Variants in KHDRBS2 observed in about 807,000 individuals in gnomAD.
The protein encoded by KHDRBS2 is KH domain-containing, RNA-binding, signal transduction-associated protein 2.
KHDRBS2 carries 26 observed loss-of-function variants against 44.3 expected under a neutral mutation model. That is an observed-to-expected ratio of 0.59 (90% CI 0.43 to 0.81). KHDRBS2 has a LOEUF of 0.81. Among genes scored for constraint, KHDRBS2 ranks in the 40% least tolerant of loss-of-function variants. The pLI is 0.00. For synonymous variants in KHDRBS2, 194 were observed against 151.1 expected, an observed-to-expected ratio of 1.28 and a Z score of -2.08; for missense variants, 476 against 433.1, an observed-to-expected ratio of 1.10 and a Z score of -0.88.
chr6:61,732,392 T>A (rs1372212808), intron 7 of KHDRBS2, among the ~76,000 whole-genome samples: 1 of 152,064 alleles, frequency 6.6e-6, no homozygotes, highest in Non-Finnish European at 1.5e-5. Flanking sequence ...TATTGTCTTT[T>A]AAAAAAATCT....
rs1431577958 is a variant in KHDRBS2 at position 62,089,286 on chromosome 6, AG to A, written c.220-41293del. Among the ~76,000 whole-genome samples, 4 of 150,342 alleles carry A rather than the reference AG, an allele frequency of 2.7e-5. 1 individual carries two copies. The highest frequency in any genetic ancestry group is 4.4e-5 in the Non-Finnish European group (3 of 67,590). On this transcript the variant is annotated intron_variant, in intron 2 of 8. Transcript: ENST00000281156. Reference sequence around the variant, plus strand: ...TGGGTTACAAAAAAAAAAAAAAAAAAGACTCCTGCAGCTAGCTCTGTGTCTG... The same window carrying A: ...TGGGTTACAAAAAAAAAAAAAAAAAAACTCCTGCAGCTAGCTCTGTGTCTG...
At chr6:62,243,245 GA>G (rs1834988213) in intron 1 of KHDRBS2, among the ~76,000 whole-genome samples, 1 of 151,954 alleles carries the variant, frequency 6.6e-6, no homozygotes, top group South Asian at 2.1e-4. Context: ...TATTTGTTGT[GA>G]AAATGTTAAT....
intron 2 of KHDRBS2, among the ~76,000 whole-genome samples, chr6:62,153,988 G>C (rs1383945652): frequency 1.3e-5 from 2 of 152,184 alleles, no homozygotes; most frequent in African/African-American, 4.8e-5. Flanking sequence ...TAGAGTCCTG[G>C]GTGTTTGGTT....
chr6:62,244,471 C>A (rs1175562326), intron 1 of KHDRBS2, among the ~76,000 whole-genome samples: 1 of 151,938 alleles, frequency 6.6e-6, no homozygotes, highest in East Asian at 1.9e-4. Context: ...TAACAAGTGT[C>A]AACATTATGA....
At chr6:61,884,457 T>TA (rs756439805) in intron 6 of KHDRBS2, among the ~76,000 whole-genome samples, 6 of 152,120 alleles carry the variant, frequency 3.9e-5, no homozygotes, top group Non-Finnish European at 8.8e-5. Flanking sequence ...AATTTAAAAA[T>TA]AAATTAAACG....
chr6:62,061,650 T>A (rs987522362), intron 2 of KHDRBS2, among the ~76,000 whole-genome samples: 2 of 151,234 alleles, frequency 1.3e-5, no homozygotes, highest in African/African-American at 4.9e-5. Context: ...CAATTATGTG[T>A]CTTGGAGTTG....
intron 4 of KHDRBS2, among the ~76,000 whole-genome samples, chr6:61,937,524 C>A (rs1284377294): frequency 1.3e-5 from 2 of 151,866 alleles, no homozygotes; most frequent in Non-Finnish European, 2.9e-5. Context: ...GTTTATTGAA[C>A]TTCTTGGGGG....
At chr6:62,146,633 G>T (rs1038716383) in intron 2 of KHDRBS2, among the ~76,000 whole-genome samples, 2 of 151,712 alleles carry the variant, frequency 1.3e-5, no homozygotes, top group African/African-American at 4.8e-5. Flanking sequence ...TATCCACAGG[G>T]TAATAGATTT....
intron 2 of KHDRBS2, among the ~76,000 whole-genome samples, chr6:62,108,553 T>C (rs1281726055): frequency 6.6e-6 from 1 of 152,108 alleles, no homozygotes; most frequent in Non-Finnish European, 1.5e-5. Flanking sequence ...TCCTCAGGGA[T>C]CTAGAACTAG....
chr6:62,150,834 G>A (rs927397936), intron 2 of KHDRBS2, among the ~76,000 whole-genome samples: 1 of 152,180 alleles, frequency 6.6e-6, no homozygotes, highest in African/African-American at 2.4e-5. Flanking sequence ...TCAAATCAAT[G>A]TGTTAACAAT....
At chr6:61,583,156 T>A in the KHDRBS2 span, among the ~76,000 whole-genome samples, 442 of 151,928 alleles carry the variant, frequency 2.9e-3, no homozygotes, top group African/African-American at 0.01. Flanking sequence ...TGAACTGATA[T>A]CTCTGAGAAG....
intron 6 of KHDRBS2, among the ~76,000 whole-genome samples, chr6:61,868,095 C>G (rs1314924210): frequency 6.6e-6 from 1 of 152,028 alleles, no homozygotes; most frequent in African/African-American, 2.4e-5. Context: ...ACCCCGACCC[C>G]CAAGCACTCT....
intron 4 of KHDRBS2, among the ~76,000 whole-genome samples, chr6:61,914,618 CTGCACGTTG>C (rs1485322182): frequency 6.6e-6 from 1 of 152,002 alleles, no homozygotes. Context: ...TGTAAGAAAC[CTGCACGTTG>C]TGCACATGTA....
chr6:62,114,658 AC>A (rs1243250818), intron 2 of KHDRBS2, among the ~76,000 whole-genome samples: 5 of 152,122 alleles, frequency 3.3e-5, no homozygotes, highest in Admixed American at 6.6e-5. Flanking sequence ...GTTATCTTTC[AC>A]TAAGTATTGT....
chr6:61,868,930 C>T (rs1220402538), intron 6 of KHDRBS2, among the ~76,000 whole-genome samples: 2 of 152,204 alleles, frequency 1.3e-5, no homozygotes, highest in Non-Finnish European at 2.9e-5. Context: ...TCTGCTGAGA[C>T]TCCACATAGC....
At chr6:61,891,045 G>A (rs1463382136) in intron 6 of KHDRBS2, among the ~76,000 whole-genome samples, 1 of 152,074 alleles carries the variant, frequency 6.6e-6, no homozygotes, top group African/African-American at 2.4e-5. Context: ...GTTAAATTTT[G>A]ATTATTAACC....
chr6:61,909,211 T>A (rs1330034584), intron 4 of KHDRBS2, among the ~76,000 whole-genome samples: 4 of 151,758 alleles, frequency 2.6e-5, no homozygotes, highest in Non-Finnish European at 4.4e-5. Context: ...GGACCACAGG[T>A]GCAGGCCACC....
intron 2 of KHDRBS2, among the ~76,000 whole-genome samples, chr6:62,172,772 T>C (rs1820318121): frequency 7.1e-6 from 1 of 140,470 alleles, no homozygotes; most frequent in African/African-American, 2.6e-5. Flanking sequence ...AAAATACATA[T>C]CAATGCTAAG....
intron 6 of KHDRBS2, among the ~76,000 whole-genome samples, chr6:61,837,506 G>A (rs1321398720): frequency 6.6e-6 from 1 of 151,930 alleles, no homozygotes; most frequent in Non-Finnish European, 1.5e-5. Flanking sequence ...GTAAGACAAT[G>A]TTCAAACATT....
Sources: gnomAD v4.1 joint callset for allele counts (sites outside exome capture counted in the v4.1 genomes callset) on GRCh38, gnomAD v4.1.1 for gene constraint, MANE v1.5 for transcripts, NCBI Gene and HGNC (gene_info 2026-07-23, HGNC 2026-07-21) for gene names.